The following PCDHGB1 variants were observed in gnomAD, a reference collection of about 807,000 sequenced individuals.
PCDHGB1 encodes protocadherin gamma subfamily B, 1.
PCDHGB1 carries 34 observed loss-of-function variants against 56.6 expected under a neutral mutation model. The ratio of observed to expected loss-of-function variants is 0.60; its 90% CI spans 0.46 to 0.80. PCDHGB1 has a LOEUF of 0.80. Ranked by LOEUF, PCDHGB1 falls within the 30% of genes least tolerant of loss-of-function variation. The probability of loss-of-function intolerance (pLI) is 0.00; values close to 1 mark genes in which losing one functional copy is unlikely to be tolerated. For missense variants in PCDHGB1, 1,278 were observed against 1,204.6 expected (o/e 1.06, Z -0.90); for synonymous variants, 561 against 505.9 (o/e 1.11, Z -1.46).
At chr5:141,357,729 T>C (rs1760716343) in intron 1 of PCDHGB1, 1 of 1,365,476 alleles carries the variant, frequency 7.3e-7, no homozygotes, top group Non-Finnish European at 9.8e-7. Flanking sequence ...CCTCTTTTAA[T>C]ATTTTATTGC....
chr5:141,489,701 T>C lies in PCDHGB1; in HGVS notation c.2410-5106T>C, dbSNP rs1038902932. The C allele has an allele frequency of 1.9e-6, 3 of 1,614,128 alleles. No homozygotes were observed. The highest frequency in any genetic ancestry group is 2.5e-6 in the Non-Finnish European group (3 of 1,179,944). On this transcript the variant is annotated intron_variant, in intron 1 of 3. Transcript: ENST00000523390. The surrounding 1 kb of genome is among the most constrained non-coding windows in gnomAD (Gnocchi z 4.5). ...GCAGCATCTGGGGCACGATTCCCAC[T>C]GGACAGTGCCCAGGATCCGGATGTG...
At chr5:141,415,454 A>G (rs899212436) in intron 1 of PCDHGB1, 2 of 1,614,162 alleles carry the variant, frequency 1.2e-6, no homozygotes, top group Non-Finnish European at 8.5e-7. Flanking sequence ...TATTCCCACG[A>G]GGTCTCTCTC....
chr5:141,367,537 A>AAAGTAAATAAAT (rs373624904), intron 1 of PCDHGB1: 1 of 147,434 alleles, frequency 6.8e-6, no homozygotes, highest in African/African-American at 2.5e-5. Flanking sequence ...ACTCCGTCTC[A>AAAGTAAATAAAT]AAATAAATAA....
intron 1 of PCDHGB1, chr5:141,375,654 A>G (rs1771718244): frequency 6.2e-7 from 1 of 1,614,106 alleles, no homozygotes. Context: ...GACTATGAGC[A>G]GTTGAGAGAC....
At position 141,384,265 on chromosome 5, in the gene PCDHGB1, T is replaced by C. The variant is rs553615154; in HGVS notation, c.2409+31596T>C. 81 of 1,613,814 alleles carry C rather than the reference T, an allele frequency of 5.0e-5. No individual in the cohort carries two copies. In the South Asian group the frequency reaches 7.4e-4, roughly 15 times the overall value. Reference sequence around the variant, plus strand: ...TAACCCACCCACCTTCCCCCACTCATCCTACTCAGTCTACATCGCTGAGAA... The same window carrying C: ...TAACCCACCCACCTTCCCCCACTCACCCTACTCAGTCTACATCGCTGAGAA... On this transcript the variant is annotated intron_variant, in intron 1 of 3. Coordinates refer to ENST00000523390, the MANE Select transcript of PCDHGB1 (RefSeq NM_018922.3).
chr5:141,399,383 C>A, intron 1 of PCDHGB1: 1 of 1,614,008 alleles, frequency 6.2e-7, no homozygotes. Context: ...GTCACCATCA[C>A]AGCCACAGAC....
rs535024997 is a variant in PCDHGB1, at chr5:141,371,494, C to T, written c.2409+18825C>T. ...GATGCTGAGCTGGGGACTGCCGTTG[C>T]CCTGATCAAAACACATGATCTAGAT... On this transcript the variant is annotated intron_variant, in intron 1 of 3. Coordinates refer to ENST00000523390, the MANE Select transcript of PCDHGB1 (RefSeq NM_018922.3). The T allele has an allele frequency of 2.5e-6, 4 of 1,613,888 alleles. No individual in the cohort carries two copies. In the Admixed American group the frequency reaches 5.0e-5, roughly 20 times the overall value.
chr5:141,432,934 G>T lies in PCDHGB1; in HGVS notation c.2410-61873G>T, dbSNP rs377666802. 1.2e-6 allele frequency: 2 copies of T among 1,614,078 alleles called. No individual in the cohort carries two copies. The highest frequency in any genetic ancestry group is 1.3e-5 in the African/African-American group (1 of 74,940). On this transcript the variant is annotated intron_variant, in intron 1 of 3. Coordinates refer to ENST00000523390, the MANE Select transcript of PCDHGB1 (RefSeq NM_018922.3). This position sits in a 1 kb window ranked among gnomAD's most constrained non-coding sequence, Gnocchi z 6.0. ...GGCGCTGGCACAAGTCACGCCTGCT[G>T]CAGGCTTCAGGAGGCGGCTTGACAG...
chr5:141,510,582 A>G (rs1156375287), intron 3 of PCDHGB1, among the ~76,000 whole-genome samples: 2 of 152,166 alleles, frequency 1.3e-5, no homozygotes, highest in Non-Finnish European at 2.9e-5. Context: ...TATTTTACGT[A>G]CCTGACATAC....
rs578223384 is a variant in PCDHGB1 at position 141,400,070 on chromosome 5, C to T, written c.2409+47401C>T. Reference sequence around the variant, plus strand: ...GTTGCTGTGCGTGATGGTGGACAGCCGCCACTCTCCGCCACCGCCACGCTG... The same window carrying T: ...GTTGCTGTGCGTGATGGTGGACAGCTGCCACTCTCCGCCACCGCCACGCTG... On this transcript the variant is annotated intron_variant, in intron 1 of 3. Coordinates refer to ENST00000523390, the MANE Select transcript of PCDHGB1 (RefSeq NM_018922.3). 1.2e-6 allele frequency: 2 copies of T among 1,613,922 alleles called. No individual in the cohort carries two copies. Among genetic ancestry groups the T allele is most frequent in the African/African-American group, 1.3e-5 (1 of 75,062 alleles).
rs756466649 is a variant in PCDHGB1, at chr5:141,495,663, G to A, written c.2468+798G>A. 1.1e-3 allele frequency among the ~76,000 whole-genome samples: 169 copies of A among 152,164 alleles called. 3 individuals are homozygous for A. The highest frequency in any genetic ancestry group is 1.9e-3 in the Admixed American group (29 of 15,272). ...TTGTCTACTTGCATTGATCTGTGCCGCCCACTGTGCCTGCCATGGCATAAG... is the reference window on the plus strand; with the variant it reads ...TTGTCTACTTGCATTGATCTGTGCCACCCACTGTGCCTGCCATGGCATAAG... On this transcript the variant is annotated intron_variant, in intron 2 of 3. Coordinates refer to ENST00000523390, the MANE Select transcript of PCDHGB1 (RefSeq NM_018922.3).
chr5:141,366,382 T>C (rs1447635844), intron 1 of PCDHGB1: 2 of 1,614,012 alleles, frequency 1.2e-6, no homozygotes, highest in East Asian at 2.2e-5. Flanking sequence ...CCATTGACCC[T>C]GAGGATCTGG....
intron 2 of PCDHGB1, among the ~76,000 whole-genome samples, 170 bp from the exon 3 acceptor site, chr5:141,505,223 A>G (rs746167057): frequency 1.9e-4 from 29 of 152,176 alleles, no homozygotes; most frequent in Admixed American, 6.5e-5. Flanking sequence ...GACTTGTGGG[A>G]TTCTGGCTTC....
intron 1 of PCDHGB1, chr5:141,383,918 TA>T: frequency 6.2e-7 from 1 of 1,613,948 alleles, no homozygotes; most frequent in Non-Finnish European, 8.5e-7. Flanking sequence ...GTTTTAGATG[TA>T]AATGATAATG....
rs764055095 is a variant in PCDHGB1, at chr5:141,385,083, A to G, written c.2409+32414A>G. ...ACAAGTCACGCCTGCTGCAGGCTTC[A>G]GAAGGTGGCTTGGCGAACGTGCCCA... On this transcript the variant is annotated intron_variant, in intron 1 of 3. Coordinates refer to ENST00000523390, the MANE Select transcript of PCDHGB1 (RefSeq NM_018922.3). 18 of 1,614,084 alleles carry G rather than the reference A, an allele frequency of 1.1e-5. No homozygotes were observed. The Admixed American group carries it at 3.0e-4, about 27-fold the overall frequency.
At chr5:141,456,217 A>G (rs1328039447) in intron 1 of PCDHGB1, among the ~76,000 whole-genome samples, 1 of 152,064 alleles carries the variant, frequency 6.6e-6, no homozygotes, top group East Asian at 1.9e-4. Context: ...CCCTGTGGCG[A>G]TATCAAACTA....
intron 2 of PCDHGB1, among the ~76,000 whole-genome samples, chr5:141,499,010 AAGG>A (rs2099788390): frequency 6.6e-6 from 1 of 151,098 alleles, no homozygotes; most frequent in Non-Finnish European, 1.5e-5. Context: ...GGAAGGAAGG[AAGG>A]AAGGAAGGAA....
At chr5:141,398,529 G>A (rs375949491) in intron 1 of PCDHGB1, 2 of 1,613,544 alleles carry the variant, frequency 1.2e-6, no homozygotes, top group South Asian at 1.1e-5. Flanking sequence ...CAAAATTCAC[G>A]CAAAATTCCT....
chr5:141,423,760 G>T, intron 1 of PCDHGB1: 23 of 279,644 alleles, frequency 8.2e-5, no homozygotes, highest in South Asian at 2.0e-4. Flanking sequence ...TGGGGGGGGG[G>T]TGGGGCGGCA....
Sources: allele counts gnomAD v4.1 joint callset (sites outside exome capture counted in the v4.1 genomes callset), GRCh38; gene constraint gnomAD v4.1.1; non-coding constraint Gnocchi (gnomAD v3.1); transcripts MANE v1.5; gene names NCBI Gene and HGNC (gene_info 2026-07-23, HGNC 2026-07-21).